CYP3A7: variants seen among roughly 807,000 people sequenced by gnomAD.
CYP3A7 encodes cytochrome P450 3A7.
A neutral mutation model predicts 55.2 loss-of-function variants in CYP3A7; 45 were observed. The observed-to-expected ratio is 0.82, with a 90% confidence interval of 0.64 to 1.05. The LOEUF (loss-of-function observed/expected upper bound fraction) is 1.05. Ranked by LOEUF, CYP3A7 falls within the 50% of genes least tolerant of loss-of-function variation. The pLI, the probability that CYP3A7 is intolerant of heterozygous loss-of-function variation, is 0.00. For missense variants in CYP3A7, 548 were observed against 605.3 expected, an observed-to-expected ratio of 0.91 and a Z score of 0.99; for synonymous variants, 180 against 207.4, an observed-to-expected ratio of 0.87 and a Z score of 1.13.
intron 10 of CYP3A7, 87 bp from the exon 11 acceptor site, chr7:99,709,348 AG>A (rs1457636968): frequency 4.5e-6 from 7 of 1,543,272 alleles, no homozygotes; most frequent in Non-Finnish European, 6.2e-6. Context: ...AACTGTTAGA[AG>A]TTCCAGAGAA....
chr7:99,713,679 G>A (rs2151509360), intron 8 of CYP3A7, 144 bp from the exon 9 acceptor site: 1 of 1,085,372 alleles, frequency 9.2e-7, no homozygotes, highest in East Asian at 2.6e-5. Flanking sequence ...AGTCACCAGT[G>A]AAAAGGAATA....
At chr7:99,722,675 T>A (rs1450253296) in intron 2 of CYP3A7, among the ~76,000 whole-genome samples, 1 of 152,204 alleles carries the variant, frequency 6.6e-6, no homozygotes, top group Non-Finnish European at 1.5e-5. Context: ...CCTTGAATGA[T>A]CACCTCTAGG....
Position 99,720,575 on chromosome 7 carries a change from G to A in CYP3A7, c.219-163C>T, listed in dbSNP as rs150551810. ...TCATTAGGTATAACTCACAGCAAGA[G>A]TCTGACACAGGAGCCATCCAAGTCT... On this transcript the variant is annotated intron_variant, in intron 3 of 12. Transcript: ENST00000336374. 7.5e-5 allele frequency: 54 copies of A among 722,576 alleles called. No homozygotes were observed. In the African/African-American group the frequency reaches 8.5e-4, roughly 11 times the overall value. 44.8% of individuals were successfully genotyped at this position (722,576 alleles called of 1,614,324 possible).
intron 2 of CYP3A7, among the ~76,000 whole-genome samples, chr7:99,729,932 A>T (rs1814554888): frequency 6.6e-6 from 1 of 152,190 alleles, no homozygotes; most frequent in Non-Finnish European, 1.5e-5. Flanking sequence ...GACGCATGTG[A>T]AAGTAGGGAA....
At position 99,723,295 on chromosome 7, in the gene CYP3A7, C is replaced by G. The variant is rs185382464; in HGVS notation, c.166-947G>C. 3.4e-4 allele frequency among the ~76,000 whole-genome samples: 51 copies of G among 152,224 alleles called. No individual in the cohort carries two copies. In the East Asian group the frequency reaches 6.4e-3, roughly 19 times the overall value. On this transcript the variant is annotated intron_variant, in intron 2 of 12. Coordinates refer to ENST00000336374, the MANE Select transcript of CYP3A7 (RefSeq NM_000765.5). Reference sequence around the variant, plus strand: ...CATTATGACTTGTTACTGCCCTGCCCCAACTGATCGATTGATCGACCTCGT... The same window carrying G: ...CATTATGACTTGTTACTGCCCTGCCGCAACTGATCGATTGATCGACCTCGT...
Position 99,720,330 on chromosome 7 carries a change from C to G in CYP3A7, c.301G>C (p.Val101Leu). 1 of 1,613,214 alleles carries G rather than the reference C, an allele frequency of 6.2e-7. No homozygotes were observed. The highest frequency in any genetic ancestry group is 8.5e-7 in the Non-Finnish European group (1 of 1,179,712). ...ATGCTTACCCTCCGGTTTGTGAAGACAGAATAACATTCTTTCACTAGCACT... is the reference window on the plus strand; with the variant it reads ...ATGCTTACCCTCCGGTTTGTGAAGAGAGAATAACATTCTTTCACTAGCACT... ...KTVLVKECYS[V>L]FTNRRPFGPV... Residue 101 changes from valine to leucine, a missense_variant, in exon 4 of 13, where the codon GTC (valine) becomes CTC (leucine). Transcript: ENST00000336374.
chr7:99,722,058 C>T (rs1459739052), intron 3 of CYP3A7, among the ~76,000 whole-genome samples: 1 of 152,200 alleles, frequency 6.6e-6, no homozygotes, highest in Non-Finnish European at 1.5e-5. Flanking sequence ...TTCTGTGGAA[C>T]ATCTTTGTCT....
intron 5 of CYP3A7, 80 bp downstream of exon 5, chr7:99,717,446 G>A: frequency 4.4e-6 from 7 of 1,592,472 alleles, no homozygotes; most frequent in Non-Finnish European, 5.1e-6. Context: ...CCTCGGAAAG[G>A]AACTCTGATC....
At chr7:99,728,636 A>G (rs1036787201) in intron 2 of CYP3A7, among the ~76,000 whole-genome samples, 2 of 152,182 alleles carry the variant, frequency 1.3e-5, no homozygotes, top group African/African-American at 4.8e-5. Flanking sequence ...GTACATGTAC[A>G]CTAGTATTTC....
intron 8 of CYP3A7, among the ~76,000 whole-genome samples, chr7:99,713,760 G>T (rs1486302050): frequency 6.6e-6 from 1 of 152,084 alleles, no homozygotes; most frequent in Non-Finnish European, 1.5e-5. Context: ...ATTGCTTTTT[G>T]GTCTTTTCCC....
At chr7:99,734,911 A>C in intron 1 of CYP3A7, 112 bp downstream of exon 1, 1 of 1,542,766 alleles carries the variant, frequency 6.5e-7, no homozygotes, top group Non-Finnish European at 8.9e-7. Context: ...GTGAGCCACC[A>C]CGGCCAGCCT....
At chr7:99,709,451 G>A (rs1180058315) in intron 10 of CYP3A7, among the ~76,000 whole-genome samples, 190 bp from the exon 11 acceptor site, 3 of 152,158 alleles carry the variant, frequency 2.0e-5, no homozygotes, top group African/African-American at 7.2e-5. Context: ...TAAGATGTGT[G>A]GAGGAGTTAT....
chr7:99,733,035 C>T (rs1281366303), intron 1 of CYP3A7, among the ~76,000 whole-genome samples: 1 of 152,136 alleles, frequency 6.6e-6, no homozygotes, highest in Admixed American at 6.5e-5. Context: ...CATGGAGGCT[C>T]GTGTTTGGAG....
chr7:99,724,456 C>A (rs1279785572), intron 2 of CYP3A7, among the ~76,000 whole-genome samples: 2 of 152,102 alleles, frequency 1.3e-5, no homozygotes, highest in Non-Finnish European at 2.9e-5. Context: ...TGTGACTCAT[C>A]CCAAATCTTT....
chr7:99,705,065 T>G lies in CYP3A7; in HGVS notation c.*435A>C, dbSNP rs1813469783. 1 of 161,942 alleles carries G rather than the reference T, an allele frequency of 6.2e-6. No individual in the cohort carries two copies. Among genetic ancestry groups the G allele is most frequent in the African/African-American group, 2.4e-5 (1 of 41,546 alleles). 10.0% of individuals were successfully genotyped at this position (161,942 alleles called of 1,614,324 possible). ...TTTTGTAAAGAGGTTTTTATTGATT[T>G]GCTTAATATAAAGCTTACTATAGAA... is the stretch of plus-strand genomic sequence containing the variant. On this transcript the variant is annotated 3_prime_UTR_variant, in exon 13 of 13. Transcript: ENST00000336374.
intron 8 of CYP3A7, among the ~76,000 whole-genome samples, chr7:99,714,306 A>C (rs1452543886): frequency 6.6e-6 from 1 of 152,196 alleles, no homozygotes; most frequent in East Asian, 1.9e-4. Context: ...AATAATATTT[A>C]TGTCATGGCA....
At chr7:99,720,082 TAA>T (rs1563024299) in intron 4 of CYP3A7, among the ~76,000 whole-genome samples, 1 of 152,144 alleles carries the variant, frequency 6.6e-6, no homozygotes, top group Non-Finnish European at 1.5e-5. Context: ...GAAATCTGAA[TAA>T]ACTCTGTGAA....
Position 99,705,541 on chromosome 7 carries a change from G to A in CYP3A7, c.1471C>T (p.Leu491=), listed in dbSNP as rs368605886. The change falls in exon 13 of 13, where the codon CTA becomes TTA. Residue 491 remains leucine, a synonymous_variant. Transcript: ENST00000336374. ...GTCTCATCCCTTGACTCAGCCTTTA[G>A]AACAATGGGTTTTTCTGTTAGAAGA... ...GLLLTEKPIV[L]KAESRDETVS... is the part of the protein sequence containing the mutation. 8 of 1,613,580 alleles carry A rather than the reference G, an allele frequency of 5.0e-6. No homozygotes were observed. The highest frequency in any genetic ancestry group is 4.5e-5 in the East Asian group (2 of 44,872).
At chr7:99,722,436 A>G in intron 2 of CYP3A7, 88 bp from the exon 3 acceptor site, 7 of 1,519,470 alleles carry the variant, frequency 4.6e-6, no homozygotes, top group Non-Finnish European at 4.5e-6. Context: ...GTCAAATCCA[A>G]TGAAATTAGA....
Sources: allele counts gnomAD v4.1 joint callset (sites outside exome capture counted in the v4.1 genomes callset), GRCh38; gene constraint gnomAD v4.1.1; transcripts MANE v1.5; gene names NCBI Gene and HGNC (gene_info 2026-07-23, HGNC 2026-07-21).